The following ACCSL variants were observed in gnomAD, a reference collection of about 807,000 sequenced individuals.
The protein encoded by ACCSL is 1-aminocyclopropane-1-carboxylate synthase homolog (inactive) like.
In ACCSL, 55 loss-of-function variants were observed where a neutral mutation model predicts 61.7. The ratio of observed to expected loss-of-function variants is 0.89; its 90% CI spans 0.72 to 1.12. The LOEUF is 1.12. ACCSL is among the 50% of genes most tolerant of loss of function. ACCSL has a pLI of 0.00. For missense variants in ACCSL, 632 were observed against 698.0 expected (o/e 0.91, Z 1.07); for synonymous variants, 258 against 264.3 (o/e 0.98, Z 0.23).
the ACCSL span, among the ~76,000 whole-genome samples, chr11:44,024,481 G>A: frequency 2.4e-4 from 33 of 138,532 alleles, no homozygotes; most frequent in East Asian, 4.3e-4. Flanking sequence ...GTGTGTGTGT[G>A]TGTATACATC....
At chr11:44,052,879 G>A in intron 6 of ACCSL, 112 bp from the exon 7 acceptor site, 1 of 1,439,504 alleles carries the variant, frequency 6.9e-7, no homozygotes, top group South Asian at 1.2e-5. Context: ...GGGTGGAGAA[G>A]GCATGTGGAC....
chr11:43,940,454 C>T, the ACCSL span, among the ~76,000 whole-genome samples: 2 of 151,466 alleles, frequency 1.3e-5, no homozygotes, highest in African/African-American at 4.9e-5. Flanking sequence ...CTCCCGGGTT[C>T]ACACCATTCT....
upstream of ACCSL, among the ~76,000 whole-genome samples, chr11:44,043,021 T>C (rs768964802): frequency 2.6e-5 from 4 of 151,550 alleles, no homozygotes; most frequent in Non-Finnish European, 5.9e-5. Context: ...AAGTTGAAGC[T>C]GCATTGAGCT....
Position 44,048,561 on chromosome 11 carries a change from G to GT in ACCSL, c.504+22dup, listed in dbSNP as rs1565157840. The GT allele has an allele frequency of 2.0e-5, 4 of 204,360 alleles. 2 individuals carry two copies. The highest frequency in any genetic ancestry group is 6.4e-5 in the African/African-American group (2 of 31,136). The allele number at this position is 204,360 out of a possible 1,614,324, so 12.7% of individuals were successfully genotyped here. A position where few individuals can be genotyped will look rare whatever the true frequency, so the allele number is the denominator to read the frequency against. Reference sequence around the variant, plus strand: ...CCTTGGTGAGAATTTGGGGTGGGGGGTGGGCAGCATCCTCACGGGCTCCAG... The same window carrying GT: ...CCTTGGTGAGAATTTGGGGTGGGGGGTTGGGCAGCATCCTCACGGGCTCCAG... On this transcript the variant is annotated intron_variant, in intron 1 of 13. Transcript: ENST00000378832.
At chr11:43,959,173 G>A in the ACCSL span, among the ~76,000 whole-genome samples, 68 of 152,230 alleles carry the variant, frequency 4.5e-4, no homozygotes, top group African/African-American at 1.5e-3. Context: ...CACAGCACGC[G>A]CCTAGGTTCT....
chr11:43,957,320 G>C, the ACCSL span, among the ~76,000 whole-genome samples: 2 of 141,082 alleles, frequency 1.4e-5, no homozygotes, highest in African/African-American at 5.4e-5. Flanking sequence ...GGTGGGAGGA[G>C]GGGGGTTCCA....
chr11:43,965,322 G>A, the ACCSL span, among the ~76,000 whole-genome samples: 2 of 152,074 alleles, frequency 1.3e-5, no homozygotes, highest in African/African-American at 4.8e-5. Context: ...AATCTGAAAG[G>A]GAAATTAAGC....
chr11:43,942,062 G>A, the ACCSL span, among the ~76,000 whole-genome samples: 7 of 151,438 alleles, frequency 4.6e-5, no homozygotes, highest in Non-Finnish European at 8.8e-5. Context: ...GTGTGTGTGT[G>A]TGTGTGTGTG....
At chr11:44,058,247 A>T in intron 11 of ACCSL, 70 bp from the exon 12 acceptor site, 3 of 1,538,488 alleles carry the variant, frequency 1.9e-6, no homozygotes, top group Non-Finnish European at 2.7e-6. Context: ...GGAAGGGAGC[A>T]TTTGGGAAGG....
At chr11:43,994,644 T>C in the ACCSL span, among the ~76,000 whole-genome samples, 1 of 151,932 alleles carries the variant, frequency 6.6e-6, no homozygotes, top group East Asian at 1.9e-4. Flanking sequence ...ATTATTATTA[T>C]TATTTTGAGA....
chr11:44,023,128 C>T, the ACCSL span, among the ~76,000 whole-genome samples: 2 of 146,450 alleles, frequency 1.4e-5, no homozygotes, highest in Admixed American at 7.0e-5. Flanking sequence ...CTCACTGCAG[C>T]TCACTGCAGA....
At chr11:44,041,673 A>C in the ACCSL span, among the ~76,000 whole-genome samples, 3 of 152,208 alleles carry the variant, frequency 2.0e-5, no homozygotes, top group Non-Finnish European at 4.4e-5. Flanking sequence ...AGATAGTGAT[A>C]GTTCAAATTC....
chr11:44,056,920 G>A (rs1351709190), intron 11 of ACCSL, among the ~76,000 whole-genome samples: 2 of 152,180 alleles, frequency 1.3e-5, no homozygotes, highest in South Asian at 2.1e-4. Flanking sequence ...ATGGCTAATC[G>A]TACTCTAAGT....
the ACCSL span, among the ~76,000 whole-genome samples, chr11:43,970,141 T>C: frequency 2.6e-5 from 4 of 152,066 alleles, no homozygotes; most frequent in African/African-American, 9.7e-5. Context: ...CATAGTGAGA[T>C]CTCATCTCTA....
the ACCSL span, chr11:43,933,121 CTT>C: frequency 2.2e-6 from 1 of 456,244 alleles, no homozygotes; most frequent in Non-Finnish European, 4.4e-6. Context: ...AAGGGAGAGA[CTT>C]ATACTTTAAC....
At chr11:44,035,955 A>AG in the ACCSL span, among the ~76,000 whole-genome samples, 4 of 151,670 alleles carry the variant, frequency 2.6e-5, no homozygotes, top group African/African-American at 9.7e-5. Context: ...AAAAAAAAAA[A>AG]AAAAAGAAAG....
At chr11:43,950,185 G>A in the ACCSL span, among the ~76,000 whole-genome samples, 1 of 152,160 alleles carries the variant, frequency 6.6e-6, no homozygotes, top group African/African-American at 2.4e-5. Context: ...CCACATTCTG[G>A]ATGGAACCAA....
chr11:43,951,451 G>A, the ACCSL span, among the ~76,000 whole-genome samples: 1 of 152,206 alleles, frequency 6.6e-6, no homozygotes, highest in Non-Finnish European at 1.5e-5. Flanking sequence ...AGGAAACAAA[G>A]TAATAAAGCA....
chr11:43,940,358 CTT>C, the ACCSL span, among the ~76,000 whole-genome samples: 13 of 142,174 alleles, frequency 9.1e-5, no homozygotes, highest in Non-Finnish European at 9.2e-5. Context: ...GAAATTATAT[CTT>C]TTTTTTTTTT....
Sources: allele counts gnomAD v4.1 joint callset (sites outside exome capture counted in the v4.1 genomes callset), GRCh38; gene constraint gnomAD v4.1.1; transcripts MANE v1.5; gene names NCBI Gene and HGNC (gene_info 2026-07-23, HGNC 2026-07-21).